Variants in PLXDC2 observed in about 807,000 individuals in gnomAD.
PLXDC2 encodes the protein plexin domain containing 2, also known as plexin domain-containing protein 2.
In PLXDC2, 40 loss-of-function variants were observed where a neutral mutation model predicts 68.9. That is an observed-to-expected ratio of 0.58 (90% CI 0.45 to 0.76). PLXDC2 has a LOEUF of 0.76. PLXDC2 is among the 30% of genes least tolerant of loss of function. The pLI is 0.00. For missense variants in PLXDC2, 644 were observed against 661.9 expected (o/e 0.97, Z 0.30); for synonymous variants, 243 against 234.2 (o/e 1.04, Z -0.34).
chr10:19,883,198 A>G (rs958396407), intron 1 of PLXDC2, among the ~76,000 whole-genome samples: 12 of 151,910 alleles, frequency 7.9e-5, no homozygotes, highest in East Asian at 1.9e-4. Context: ...TCCTGACCTC[A>G]TGATCCGCCC....
Position 19,860,984 on chromosome 10 carries a change from G to A in PLXDC2, c.112+43793G>A, listed in dbSNP as rs114055194. Among the ~76,000 whole-genome samples the A allele has an allele frequency of 3.5e-3, 535 of 150,712 alleles. 5 individuals carry two copies. Among genetic ancestry groups the A allele is most frequent in the African/African-American group, 0.012 (500 of 41,022 alleles). On this transcript the variant is annotated intron_variant, in intron 1 of 13. Transcript: ENST00000377252. ...GCCCCAAGACACTTAATTACTGCAG[G>A]ACTCTTGTATTGCTTTGCTGGGTGA...
chr10:20,024,354 T>G (rs761066342), intron 2 of PLXDC2, among the ~76,000 whole-genome samples: 15 of 152,174 alleles, frequency 9.9e-5, no homozygotes, highest in Admixed American at 6.5e-5. Flanking sequence ...ATGTTGAACT[T>G]TGGATTTTAT....
intron 2 of PLXDC2, among the ~76,000 whole-genome samples, chr10:20,040,580 T>C (rs986952210): frequency 1.3e-5 from 2 of 152,176 alleles, no homozygotes; most frequent in Admixed American, 6.6e-5. Flanking sequence ...CCCTTTCCAT[T>C]GCAGGGTGGC....
At chr10:19,903,533 C>T (rs573122765) in intron 1 of PLXDC2, among the ~76,000 whole-genome samples, 24 of 151,904 alleles carry the variant, frequency 1.6e-4, no homozygotes, top group Admixed American at 2.0e-4. Flanking sequence ...TCCCCCATTT[C>T]GTTTCTAATT....
At chr10:20,078,403 T>G (rs772797500) in intron 4 of PLXDC2, among the ~76,000 whole-genome samples, 25 of 152,194 alleles carry the variant, frequency 1.6e-4, no homozygotes, top group Non-Finnish European at 3.4e-4. Flanking sequence ...GAATAAAATC[T>G]AATAACTGAT....
intron 5 of PLXDC2, among the ~76,000 whole-genome samples, chr10:20,144,809 A>G (rs1158441726): frequency 6.6e-6 from 1 of 152,180 alleles, no homozygotes; most frequent in Non-Finnish European, 1.5e-5. Flanking sequence ...TGTTAGGGTC[A>G]TTTACTCATG....
intron 2 of PLXDC2, among the ~76,000 whole-genome samples, chr10:20,039,734 G>C (rs1321068659): frequency 6.6e-6 from 1 of 152,086 alleles, no homozygotes; most frequent in Non-Finnish European, 1.5e-5. Flanking sequence ...TGCATATAAT[G>C]TGTTTATTAT....
intron 1 of PLXDC2, among the ~76,000 whole-genome samples, chr10:19,977,417 C>T (rs553828895): frequency 6.6e-6 from 1 of 152,210 alleles, no homozygotes; most frequent in African/African-American, 2.4e-5. Flanking sequence ...GCTTGGAGGG[C>T]CTAAGCCTGG....
At chr10:20,226,836 C>G (rs1269832586) in intron 12 of PLXDC2, among the ~76,000 whole-genome samples, 1 of 152,142 alleles carries the variant, frequency 6.6e-6, no homozygotes, top group Non-Finnish European at 1.5e-5. Context: ...CGCCTCCTGT[C>G]TCATTTTCTA....
intron 7 of PLXDC2, among the ~76,000 whole-genome samples, chr10:20,175,261 G>C (rs1028308853): frequency 1.3e-5 from 2 of 152,128 alleles, no homozygotes; most frequent in Non-Finnish European, 2.9e-5. Flanking sequence ...AGTAATATAG[G>C]TGCTATTATC....
chr10:20,121,003 C>T (rs1049355498), intron 4 of PLXDC2, among the ~76,000 whole-genome samples: 2 of 152,086 alleles, frequency 1.3e-5, no homozygotes, highest in Non-Finnish European at 2.9e-5. Context: ...CAGAGAGATA[C>T]AGTCATGGGT....
chr10:20,193,053 C>T (rs889692311), intron 9 of PLXDC2, among the ~76,000 whole-genome samples: 32 of 152,044 alleles, frequency 2.1e-4, no homozygotes, highest in Non-Finnish European at 3.5e-4. Context: ...ATATGGCCCC[C>T]TTCCCTAGAA....
At chr10:19,842,888 C>T (rs1351067613) in intron 1 of PLXDC2, among the ~76,000 whole-genome samples, 1 of 151,938 alleles carries the variant, frequency 6.6e-6, no homozygotes, top group Non-Finnish European at 1.5e-5. Flanking sequence ...TTTATATTAT[C>T]TGATATGATG....
intron 3 of PLXDC2, among the ~76,000 whole-genome samples, chr10:20,065,620 G>T (rs1363403985): frequency 6.6e-6 from 1 of 152,130 alleles, no homozygotes; most frequent in East Asian, 1.9e-4. Flanking sequence ...TAAAATCAGT[G>T]GGAGTCCTGA....
At chr10:19,843,846 G>A (rs1248167672) in intron 1 of PLXDC2, among the ~76,000 whole-genome samples, 1 of 152,120 alleles carries the variant, frequency 6.6e-6, no homozygotes, top group East Asian at 1.9e-4. Context: ...GAACAAATAA[G>A]CCCCGACATT....
At chr10:19,952,701 T>C (rs1355051106) in intron 1 of PLXDC2, among the ~76,000 whole-genome samples, 2 of 152,210 alleles carry the variant, frequency 1.3e-5, no homozygotes, top group Admixed American at 1.3e-4. Context: ...CTTGGATATG[T>C]ACCTATTTAA....
intron 2 of PLXDC2, among the ~76,000 whole-genome samples, chr10:20,044,904 T>A (rs975697760): frequency 6.6e-6 from 1 of 152,108 alleles, no homozygotes; most frequent in Non-Finnish European, 1.5e-5. Flanking sequence ...TGAAGCCCAA[T>A]ATACACAGAT....
At chr10:20,222,822 T>TA (rs1004550453) in intron 12 of PLXDC2, among the ~76,000 whole-genome samples, 118 of 151,170 alleles carry the variant, frequency 7.8e-4, no homozygotes, top group African/African-American at 2.8e-3. Flanking sequence ...ACCCTGTCCT[T>TA]AAAAAAAAAT....
Position 20,144,013 on chromosome 10 carries a change from A to G in PLXDC2, c.664+596A>G, listed in dbSNP as rs542769415. ...GACATATAAAATAGAGAAAAAAACT[A>G]TAATAAATCATTAAGTGGTGCCAAA... On this transcript the variant is annotated intron_variant, in intron 5 of 13. Coordinates refer to ENST00000377252, the MANE Select transcript of PLXDC2 (RefSeq NM_032812.9). Among the ~76,000 whole-genome samples, 51 of 152,108 alleles carry G rather than the reference A, an allele frequency of 3.4e-4. 1 individual carries two copies. The South Asian group carries it at 8.7e-3, about 26-fold the overall frequency.
Sources: gnomAD v4.1 joint callset for allele counts (sites outside exome capture counted in the v4.1 genomes callset) on GRCh38, gnomAD v4.1.1 for gene constraint, MANE v1.5 for transcripts, NCBI Gene and HGNC (gene_info 2026-07-23, HGNC 2026-07-21) for gene names.